CDC42SE2: variants seen among roughly 807,000 people sequenced by gnomAD.
CDC42SE2 encodes the protein CDC42 small effector protein 2.
In CDC42SE2, 3 loss-of-function variants were observed where a neutral mutation model predicts 11.5. The ratio of observed to expected loss-of-function variants is 0.26; its 90% CI spans 0.12 to 0.67. The LOEUF (loss-of-function observed/expected upper bound fraction) is 0.67. Among genes scored for constraint, CDC42SE2 ranks in the 30% least tolerant of loss-of-function variants. The pLI is 0.80. For missense variants in CDC42SE2, 82 were observed against 106.8 expected, an observed-to-expected ratio of 0.77 and a Z score of 1.02; for synonymous variants, 33 against 34.8, an observed-to-expected ratio of 0.95 and a Z score of 0.18.
intron 1 of CDC42SE2, among the ~76,000 whole-genome samples, chr5:131,297,784 T>G (rs1344768365): frequency 1.3e-5 from 2 of 151,784 alleles, no homozygotes; most frequent in African/African-American, 2.4e-5. Context: ...AGTTACCACA[T>G]CCTAAAAAAG....
chr5:131,249,966 G>C (rs1233851521), intron 1 of CDC42SE2, among the ~76,000 whole-genome samples: 1 of 152,218 alleles, frequency 6.6e-6, no homozygotes, highest in African/African-American at 2.4e-5. Context: ...GTGTTGGGAA[G>C]GCTGTGGATC....
At chr5:131,261,058 G>A (rs1756720946), upstream of CDC42SE2, among the ~76,000 whole-genome samples, 1 of 152,244 alleles carries the variant, frequency 6.6e-6, no homozygotes, top group African/African-American at 2.4e-5. Flanking sequence ...GCTGTTATAT[G>A]AGCTCAAGGC....
At chr5:131,299,724 G>T (rs900433222) in intron 1 of CDC42SE2, among the ~76,000 whole-genome samples, 8 of 152,152 alleles carry the variant, frequency 5.3e-5, no homozygotes, top group African/African-American at 1.9e-4. Flanking sequence ...TAGATTTGGC[G>T]ATCAGCATTG....
the CDC42SE2 span, among the ~76,000 whole-genome samples, chr5:131,215,733 G>C: frequency 6.6e-6 from 1 of 152,208 alleles, no homozygotes; most frequent in Non-Finnish European, 1.5e-5. Flanking sequence ...AAGGAACTCA[G>C]TGGAGAAGTT....
the CDC42SE2 span, among the ~76,000 whole-genome samples, chr5:131,231,915 C>T: frequency 6.6e-6 from 1 of 151,998 alleles, no homozygotes; most frequent in African/African-American, 2.4e-5. Context: ...CCTCAGCCTC[C>T]CAAGCAGCTG....
intron 1 of CDC42SE2, among the ~76,000 whole-genome samples, chr5:131,280,487 C>T (rs185204471): frequency 1.3e-5 from 2 of 152,178 alleles, no homozygotes; most frequent in African/African-American, 4.8e-5. Context: ...AGTGAAAATT[C>T]TGTTTGACGA....
chr5:131,300,052 C>T (rs531888096), intron 1 of CDC42SE2, among the ~76,000 whole-genome samples: 2 of 152,150 alleles, frequency 1.3e-5, no homozygotes, highest in Non-Finnish European at 2.9e-5. Flanking sequence ...GGTGTTGTCT[C>T]TCTTGGAGTT....
chr5:131,327,590 A>T (rs946663578), intron 2 of CDC42SE2, among the ~76,000 whole-genome samples: 1 of 152,226 alleles, frequency 6.6e-6, no homozygotes, highest in African/African-American at 2.4e-5. Context: ...AGTTACTTTA[A>T]TTCAAAACTT....
chr5:131,304,054 G>A (rs374953079), intron 1 of CDC42SE2, among the ~76,000 whole-genome samples: 6 of 151,640 alleles, frequency 4.0e-5, no homozygotes, highest in Non-Finnish European at 8.8e-5. Flanking sequence ...TGACCTTCCC[G>A]GCCCAAGGAA....
rs554029172 is a variant in CDC42SE2 at position 131,391,568 on chromosome 5, A to AG, written c.*479dup. The stretch of plus-strand genomic sequence containing the variant: ...ATGCCTGTAATCGCAGCTACTCAGG[A>AG]GGCTGAGGCACGAGAATTGCTTGAA... On this transcript the variant is annotated 3_prime_UTR_variant, in exon 5 of 5. Coordinates refer to ENST00000505065, the MANE Select transcript of CDC42SE2 (RefSeq NM_001375635.1). 49 of 152,522 alleles carry AG rather than the reference A, an allele frequency of 3.2e-4. No individual in the cohort carries two copies. The highest frequency in any genetic ancestry group is 1.2e-3 in the African/African-American group (49 of 41,584). The allele number at this position is 152,522 out of a possible 1,614,324, so 9.4% of individuals were successfully genotyped here.
At chr5:131,370,658 A>G (rs1455725210) in intron 3 of CDC42SE2, among the ~76,000 whole-genome samples, 2 of 152,172 alleles carry the variant, frequency 1.3e-5, no homozygotes, top group South Asian at 2.1e-4. Flanking sequence ...TCATCTGACT[A>G]TATCTGTGAA....
intron 3 of CDC42SE2, among the ~76,000 whole-genome samples, chr5:131,370,798 A>G (rs1295347645): frequency 6.6e-6 from 1 of 152,206 alleles, no homozygotes; most frequent in Non-Finnish European, 1.5e-5. Context: ...TAAAACACCA[A>G]TAGCATGAAT....
At chr5:131,235,082 G>A in the CDC42SE2 span, among the ~76,000 whole-genome samples, 5 of 151,688 alleles carry the variant, frequency 3.3e-5, no homozygotes, top group African/African-American at 4.8e-5. Flanking sequence ...GTAGAGAAGC[G>A]GTTTCACCTT....
At chr5:131,277,016 A>G (rs1220253559) in intron 1 of CDC42SE2, among the ~76,000 whole-genome samples, 1 of 152,224 alleles carries the variant, frequency 6.6e-6, no homozygotes, top group East Asian at 1.9e-4. Flanking sequence ...CTGGGATTAC[A>G]GGCGTGAGCC....
chr5:131,279,652 C>T (rs1455063001), intron 1 of CDC42SE2, among the ~76,000 whole-genome samples: 1 of 151,980 alleles, frequency 6.6e-6, no homozygotes, highest in Non-Finnish European at 1.5e-5. Context: ...GTTACCTTTC[C>T]TGTGGTCACC....
At position 131,320,143 on chromosome 5, in the gene CDC42SE2, G is replaced by T. The variant is rs1344608672; in HGVS notation, c.-286+3999G>T. On this transcript the variant is annotated intron_variant, in intron 2 of 4. Transcript: ENST00000505065. Reference sequence around the variant, plus strand: ...CTAACACCTGTAACCCGAACACTTTGGGAGGCCAAGGCAGGTGGATCACTT... The same window carrying T: ...CTAACACCTGTAACCCGAACACTTTTGGAGGCCAAGGCAGGTGGATCACTT... Among the ~76,000 whole-genome samples, 6 of 151,584 alleles carry T rather than the reference G, an allele frequency of 4.0e-5. No homozygotes were observed. In the South Asian group the frequency reaches 1.2e-3, roughly 32 times the overall value.
chr5:131,375,587 C>T (rs1444648911), intron 3 of CDC42SE2, among the ~76,000 whole-genome samples: 3 of 152,122 alleles, frequency 2.0e-5, no homozygotes, highest in East Asian at 1.9e-4. Flanking sequence ...GCTGGCATTC[C>T]AGTGAGTGAG....
intron 2 of CDC42SE2, among the ~76,000 whole-genome samples, chr5:131,337,395 C>T (rs764489384): frequency 5.9e-5 from 9 of 152,234 alleles, no homozygotes; most frequent in African/African-American, 2.4e-5. Context: ...GGGTGCCTCC[C>T]AGTTAGGCTG....
At chr5:131,378,819 G>T (rs1750229805) in intron 3 of CDC42SE2, among the ~76,000 whole-genome samples, 1 of 151,414 alleles carries the variant, frequency 6.6e-6, no homozygotes. Flanking sequence ...CATAGTGCTT[G>T]GGTTTTTTTC....
Sources: gnomAD v4.1 joint callset for allele counts (sites outside exome capture counted in the v4.1 genomes callset) on GRCh38, gnomAD v4.1.1 for gene constraint, MANE v1.5 for transcripts, NCBI Gene and HGNC (gene_info 2026-07-23, HGNC 2026-07-21) for gene names.